PDE4D: variants seen among roughly 807,000 people sequenced by gnomAD.
PDE4D encodes phosphodiesterase 4D.
Under a neutral mutation model 87.4 loss-of-function variants are expected in PDE4D, and 24 were observed. That is an observed-to-expected ratio of 0.27 (90% CI 0.20 to 0.39). The LOEUF is 0.39. Ranked by LOEUF, PDE4D falls within the 10% of genes least tolerant of loss-of-function variation. PDE4D has a pLI of 1.00. For missense variants in PDE4D, 714 were observed against 1,041.0 expected (o/e 0.69, Z 4.32); for synonymous variants, 384 against 383.2 (o/e 1.00, Z -0.02).
chr5:60,462,792 C>A (rs1033215163), intron 1 of PDE4D, among the ~76,000 whole-genome samples: 1 of 152,214 alleles, frequency 6.6e-6, no homozygotes, highest in East Asian at 1.9e-4. Context: ...CCATTGGCAT[C>A]CAGCATTTTC....
chr5:59,848,898 G>A (rs917687231), intron 1 of PDE4D, among the ~76,000 whole-genome samples: 13 of 152,018 alleles, frequency 8.6e-5, no homozygotes, highest in East Asian at 3.9e-4. Context: ...AACCTATTTC[G>A]TTGACTGAGG....
Position 60,338,890 on chromosome 5 carries a change from C to G in PDE4D, c.-90+149052G>C, listed in dbSNP as rs1368777883. On this transcript the variant is annotated intron_variant, in intron 1 of 16. Transcript: ENST00000502484. ...TATCCAGGGGCTCTATACGACAGTC[C>G]CCCATTATCTGCAGGGCATATGTTC... Among the ~76,000 whole-genome samples, 3 of 152,088 alleles carry G rather than the reference C, an allele frequency of 2.0e-5. No homozygotes were observed. The East Asian group carries it at 5.8e-4, about 29-fold the overall frequency.
intron 1 of PDE4D, among the ~76,000 whole-genome samples, chr5:59,446,388 C>T (rs1057275173): frequency 2.0e-5 from 3 of 152,108 alleles, no homozygotes; most frequent in East Asian, 1.9e-4. Flanking sequence ...GGATTAAAGA[C>T]ATTTTTGACA....
At chr5:59,056,610 C>T (rs2153408384) in intron 5 of PDE4D, among the ~76,000 whole-genome samples, 1 of 152,160 alleles carries the variant, frequency 6.6e-6, no homozygotes. Flanking sequence ...CTCCCCCAAC[C>T]CCCACCAGGC....
intron 1 of PDE4D, among the ~76,000 whole-genome samples, chr5:59,745,812 C>G (rs1013121054): frequency 6.6e-6 from 1 of 152,076 alleles, no homozygotes; most frequent in Non-Finnish European, 1.5e-5. Flanking sequence ...TCCTAAGACA[C>G]AGAAGATCGT....
chr5:59,809,387 A>G (rs1228911307), intron 1 of PDE4D, among the ~76,000 whole-genome samples: 2 of 152,226 alleles, frequency 1.3e-5, no homozygotes. Flanking sequence ...AGAAAACTTA[A>G]ATCTTACCCT....
chr5:60,117,191 AAC>A (rs1276406606), intron 2 of PDE4D, among the ~76,000 whole-genome samples: 2 of 152,042 alleles, frequency 1.3e-5, no homozygotes, highest in Non-Finnish European at 2.9e-5. Context: ...AAGAGTAACT[AAC>A]ACTTTTTCCA....
Position 59,385,939 on chromosome 5 carries a change from C to A in PDE4D, c.456-169971G>T, listed in dbSNP as rs148550346. 2.0e-5 allele frequency among the ~76,000 whole-genome samples: 3 copies of A among 152,272 alleles called. No homozygotes were observed. The East Asian group carries it at 5.8e-4, about 29-fold the overall frequency. On this transcript the variant is annotated intron_variant, in intron 1 of 14. Transcript: ENST00000340635. ...GTTTCAGCCCCACACCTCATCCCTG[C>A]AGGGTGCTACATCTTCTCTCTCAGA...
intron 1 of PDE4D, among the ~76,000 whole-genome samples, chr5:59,444,817 A>G (rs1175275131): frequency 6.6e-6 from 1 of 152,078 alleles, no homozygotes; most frequent in Non-Finnish European, 1.5e-5. Flanking sequence ...CTCAAAAACA[A>G]ACAAACAAAC....
chr5:59,616,118 C>G (rs532650455), intron 1 of PDE4D, among the ~76,000 whole-genome samples: 5 of 152,162 alleles, frequency 3.3e-5, no homozygotes, highest in East Asian at 3.9e-4. Flanking sequence ...ATCCCTCCCC[C>G]CTTCCCCCAC....
At chr5:59,135,181 G>A (rs763134067) in intron 5 of PDE4D, among the ~76,000 whole-genome samples, 1 of 152,164 alleles carries the variant, frequency 6.6e-6, no homozygotes, top group Non-Finnish European at 1.5e-5. Flanking sequence ...CTGAAGGCTG[G>A]TGGTCTGAGG....
chr5:59,504,613 G>A (rs1808899181), intron 1 of PDE4D, among the ~76,000 whole-genome samples: 1 of 152,080 alleles, frequency 6.6e-6, no homozygotes, highest in South Asian at 2.1e-4. Context: ...GCTTTAAAGT[G>A]TTATACCTCT....
intron 3 of PDE4D, among the ~76,000 whole-genome samples, chr5:59,906,203 G>A (rs1752791607): frequency 6.6e-6 from 1 of 152,044 alleles, no homozygotes; most frequent in Non-Finnish European, 1.5e-5. Context: ...TCAATTTTTA[G>A]CCACTATTTA....
At chr5:59,230,016 A>G (rs947637032) in intron 1 of PDE4D, among the ~76,000 whole-genome samples, 1 of 152,066 alleles carries the variant, frequency 6.6e-6, no homozygotes, top group African/African-American at 2.4e-5. Context: ...CGAACTCCCG[A>G]CCTCAGGCGA....
intron 1 of PDE4D, among the ~76,000 whole-genome samples, chr5:59,299,785 T>C (rs942570252): frequency 2.0e-5 from 3 of 152,000 alleles, no homozygotes; most frequent in Non-Finnish European, 2.9e-5. Flanking sequence ...TAAAACGCCA[T>C]GGGGTAGATT....
intron 1 of PDE4D, among the ~76,000 whole-genome samples, chr5:59,230,858 A>G (rs1316456840): frequency 1.3e-5 from 2 of 152,146 alleles, no homozygotes; most frequent in Admixed American, 1.3e-4. Flanking sequence ...AGGGCTTCAG[A>G]GGGTTGTGTG....
intron 1 of PDE4D, among the ~76,000 whole-genome samples, chr5:59,851,122 T>C (rs982067926): frequency 4.6e-5 from 7 of 152,018 alleles, no homozygotes; most frequent in African/African-American, 1.7e-4. Flanking sequence ...ATGAAGACAC[T>C]CATGCAGCCT....
At chr5:59,703,226 T>C (rs936994274) in intron 1 of PDE4D, among the ~76,000 whole-genome samples, 2 of 152,202 alleles carry the variant, frequency 1.3e-5, no homozygotes, top group African/African-American at 4.8e-5. Context: ...ATGGATATAT[T>C]GCCTTATATA....
rs116397760 is a variant in PDE4D at position 59,260,330 on chromosome 5, C to T, written c.456-44362G>A. Among the ~76,000 whole-genome samples the T allele has an allele frequency of 2.3e-3, 344 of 151,894 alleles. 1 individual carries two copies. Among genetic ancestry groups the T allele is most frequent in the African/African-American group, 7.7e-3 (321 of 41,500 alleles). The stretch of plus-strand genomic sequence containing the variant: ...AAATTTACAGGGTATGTCACACCTA[C>T]GCTATATTTAGGATGCAACTGAGTG... On this transcript the variant is annotated intron_variant, in intron 1 of 14. Coordinates refer to ENST00000340635, the MANE Select transcript of PDE4D (RefSeq NM_001104631.2).
Sources: gnomAD v4.1 joint callset for allele counts (sites outside exome capture counted in the v4.1 genomes callset) on GRCh38, gnomAD v4.1.1 for gene constraint, MANE v1.5 for transcripts, NCBI Gene and HGNC (gene_info 2026-07-23, HGNC 2026-07-21) for gene names.